The following ADAMTS18 variants were observed in gnomAD, a reference collection of about 807,000 sequenced individuals.
The protein encoded by ADAMTS18 is A disintegrin and metalloproteinase with thrombospondin motifs 18.
ADAMTS18 carries 157 observed loss-of-function variants against 165.9 expected under a neutral mutation model. The observed-to-expected ratio is 0.95, with a 90% CI of 0.83 to 1.08. The LOEUF is 1.08. Among genes scored for constraint, ADAMTS18 ranks in the 50% least tolerant of loss-of-function variants. The probability of loss-of-function intolerance (pLI) is 0.00; values close to 1 mark genes in which losing one functional copy is unlikely to be tolerated. For synonymous variants in ADAMTS18, 782 were observed against 578.2 expected (o/e 1.35, Z -5.06); for missense variants, 2,040 against 1,534.0 (o/e 1.33, Z -5.51).
At chr16:77,297,509 T>G in intron 17 of ADAMTS18, 94 bp from the exon 18 acceptor site, 6 of 1,332,274 alleles carry the variant, frequency 4.5e-6, no homozygotes, top group Non-Finnish European at 5.3e-6. Context: ...CATTGTGATA[T>G]TTTATTTCAG....
intron 3 of ADAMTS18, among the ~76,000 whole-genome samples, chr16:77,410,527 T>C (rs1407191609): frequency 6.6e-6 from 1 of 152,126 alleles, no homozygotes; most frequent in Non-Finnish European, 1.5e-5. Context: ...GTTTGAGAAC[T>C]GCATCCCTAA....
intron 11 of ADAMTS18, among the ~76,000 whole-genome samples, chr16:77,340,450 C>G (rs2056381376): frequency 6.6e-6 from 1 of 152,176 alleles, no homozygotes; most frequent in African/African-American, 2.4e-5. Flanking sequence ...GATGGGATTA[C>G]AGGCATGAGC....
At chr16:77,324,423 A>C (rs946263434) in intron 13 of ADAMTS18, among the ~76,000 whole-genome samples, 2 of 152,172 alleles carry the variant, frequency 1.3e-5, no homozygotes, top group Admixed American at 6.5e-5. Context: ...GTTAATATTT[A>C]TTTACTTATT....
At chr16:77,312,886 C>T (rs989681285) in intron 16 of ADAMTS18, among the ~76,000 whole-genome samples, 2 of 152,104 alleles carry the variant, frequency 1.3e-5, no homozygotes, top group Admixed American at 6.5e-5. Flanking sequence ...GACAGTGTGG[C>T]GATTCCTCAG....
intron 12 of ADAMTS18, among the ~76,000 whole-genome samples, chr16:77,331,599 A>T (rs533329032): frequency 3.9e-5 from 6 of 152,264 alleles, no homozygotes; most frequent in African/African-American, 1.4e-4. Flanking sequence ...TCCCAATCAG[A>T]GATTATTTTG....
chr16:77,420,817 A>G (rs1387798516), intron 3 of ADAMTS18, among the ~76,000 whole-genome samples: 1 of 152,226 alleles, frequency 6.6e-6, no homozygotes, highest in Non-Finnish European at 1.5e-5. Flanking sequence ...GACTGCATGC[A>G]GTATTTACCC....
chr16:77,362,106 T>A lies in ADAMTS18; in HGVS notation c.1215A>T (p.Leu405=), dbSNP rs774745919. The A allele has an allele frequency of 1.9e-6, 3 of 1,614,094 alleles. No homozygotes were observed. The highest frequency in any genetic ancestry group is 2.5e-6 in the Non-Finnish European group (3 of 1,179,996). ...GTGAAGGATCTGTTCATACCATACC[T>A]AGAGTGTCACATGGTTCATTCTTCC... The part of the protein sequence containing the change: ...CSWKNEPCDT[L]GFAPISGMCS... Residue 405 remains leucine, a splice_region_variant and synonymous_variant, in exon 7 of 23, where the codon CTA becomes CTT. Coordinates refer to ENST00000282849, the MANE Select transcript of ADAMTS18 (RefSeq NM_199355.4).
chr16:77,347,742 G>C (rs958070636), intron 10 of ADAMTS18, among the ~76,000 whole-genome samples: 5 of 152,014 alleles, frequency 3.3e-5, no homozygotes, highest in African/African-American at 7.2e-5. Context: ...TTTTTGGTAA[G>C]GGGATTGGCA....
chr16:77,391,600 G>A (rs903850564), intron 3 of ADAMTS18, among the ~76,000 whole-genome samples: 1 of 152,072 alleles, frequency 6.6e-6, no homozygotes, highest in Non-Finnish European at 1.5e-5. Flanking sequence ...GCCAGGAAGA[G>A]GGGGAAGAGT....
At chr16:77,326,911 A>G (rs1021880283) in intron 12 of ADAMTS18, among the ~76,000 whole-genome samples, 1 of 152,148 alleles carries the variant, frequency 6.6e-6, no homozygotes, top group Non-Finnish European at 1.5e-5. Context: ...TATGTACTCA[A>G]TGTTTAGCTC....
chr16:77,300,014 T>C, intron 17 of ADAMTS18: 1 of 397,844 alleles, frequency 2.5e-6, no homozygotes, highest in Non-Finnish European at 4.6e-6. Context: ...TATATGTTTT[T>C]CCCATAAGTT....
chr16:77,434,400 T>TG lies in ADAMTS18; in HGVS notation c.178+17dup. The TG allele has an allele frequency of 1.3e-6, 2 of 1,562,180 alleles. No homozygotes were observed. Among genetic ancestry groups the TG allele is most frequent in the Non-Finnish European group, 1.7e-6 (2 of 1,160,050 alleles). On this transcript the variant is annotated intron_variant, in intron 2 of 22. Coordinates refer to ENST00000282849, the MANE Select transcript of ADAMTS18 (RefSeq NM_199355.4). ...TGCTGCGAAAGGCCCTTCTTGGGGATGGGGGGCAAATACGAACCATCATTT... is the reference window on the plus strand; with the variant it reads ...TGCTGCGAAAGGCCCTTCTTGGGGATGGGGGGGCAAATACGAACCATCATTT...
chr16:77,422,536 G>C (rs538578757), intron 3 of ADAMTS18, among the ~76,000 whole-genome samples: 98 of 130,950 alleles, frequency 7.5e-4, no homozygotes, highest in African/African-American at 2.7e-3. Context: ...GAAGAGAGGA[G>C]AGTGAAAAAA....
At chr16:77,433,334 A>G (rs983675689) in intron 2 of ADAMTS18, 3 of 152,184 alleles carry the variant, frequency 2.0e-5, no homozygotes, top group Non-Finnish European at 2.9e-5. Flanking sequence ...CCAGCCATCA[A>G]ACGGCCCCAG....
chr16:77,371,291 C>T (rs1201639809), intron 3 of ADAMTS18, among the ~76,000 whole-genome samples: 3 of 151,970 alleles, frequency 2.0e-5, no homozygotes, highest in African/African-American at 7.2e-5. Flanking sequence ...TCCTAATATT[C>T]ATATGGAACC....
chr16:77,361,938 T>C (rs1006131823), intron 7 of ADAMTS18, among the ~76,000 whole-genome samples, 167 bp downstream of exon 7: 1 of 152,074 alleles, frequency 6.6e-6, no homozygotes, highest in African/African-American at 2.4e-5. Flanking sequence ...ACATTCTAAG[T>C]TCAGTTAAAA....
At chr16:77,384,910 G>GT (rs750433380) in intron 3 of ADAMTS18, among the ~76,000 whole-genome samples, 2,535 of 122,204 alleles carry the variant, frequency 0.021, 41 homozygotes, top group African/African-American at 0.045. Flanking sequence ...TTCAGATAAG[G>GT]TTTTTTTTTT....
rs759774962 is a variant in ADAMTS18 at position 77,300,285 on chromosome 16, C to G, written c.2652G>C (p.Glu884Asp). The change falls in exon 17 of 23, where the codon GAG becomes GAC. Residue 884 changes from glutamate to aspartate, a missense_variant. Coordinates refer to ENST00000282849, the MANE Select transcript of ADAMTS18 (RefSeq NM_199355.4). ...PAYTWSIVQSECSVSCGGGYI... is the reference protein window; with the variant it reads ...PAYTWSIVQSDCSVSCGGGYI... ...TACCTCCACCACAGGAGACGGAGCA[C>G]TCTGACTGCACGATACTCCAGGTAT... 4 of 1,613,994 alleles carry G rather than the reference C, an allele frequency of 2.5e-6. No individual in the cohort carries two copies. In the East Asian group the frequency reaches 6.7e-5, roughly 27 times the overall value.
chr16:77,401,163 G>A (rs1597228664), intron 3 of ADAMTS18, among the ~76,000 whole-genome samples: 1 of 152,052 alleles, frequency 6.6e-6, no homozygotes, highest in Non-Finnish European at 1.5e-5. Flanking sequence ...TCTGAGGCAG[G>A]AGAATTGCTT....
Sources: gnomAD v4.1 joint callset for allele counts (sites outside exome capture counted in the v4.1 genomes callset) on GRCh38, gnomAD v4.1.1 for gene constraint, MANE v1.5 for transcripts, NCBI Gene and HGNC (gene_info 2026-07-23, HGNC 2026-07-21) for gene names.